RIPOR2: variants seen among roughly 807,000 people sequenced by gnomAD.
RIPOR2 encodes rho family-interacting cell polarization regulator 2.
In RIPOR2, 39 loss-of-function variants were observed where a neutral mutation model predicts 114.5. The ratio of observed to expected loss-of-function variants is 0.34; its 90% CI spans 0.26 to 0.44. The LOEUF (loss-of-function observed/expected upper bound fraction) is 0.44, where lower values mean the gene tolerates loss of function less well. Among genes scored for constraint, RIPOR2 ranks in the 20% least tolerant of loss-of-function variants. RIPOR2 has a pLI of 1.00. For missense variants in RIPOR2, 1,007 were observed against 1,255.1 expected (o/e 0.80, Z 2.99); for synonymous variants, 445 against 484.4 (o/e 0.92, Z 1.07).
rs373836061 is a variant in RIPOR2 at position 24,920,967 on chromosome 6, C to T, written c.61+14871G>A. Among the ~76,000 whole-genome samples, 31 of 152,314 alleles carry T rather than the reference C, an allele frequency of 2.0e-4. No individual in the cohort carries two copies. In the East Asian group the frequency reaches 4.8e-3, roughly 24 times the overall value. ...AATATGTCAGTAGTCTCCTAACCTA[C>T]CTTTTCCCCTATTCCCCCATCTTTC... is the stretch of plus-strand genomic sequence containing the variant. On this transcript the variant is annotated intron_variant, in intron 1 of 21. Coordinates refer to ENST00000643898, the MANE Select transcript of RIPOR2 (RefSeq NM_001286445.3).
At position 24,825,169 on chromosome 6, in the gene RIPOR2, T is replaced by C. The variant is rs752120028; in HGVS notation, c.2868+57A>G. On this transcript the variant is annotated intron_variant, in intron 19 of 21. Transcript: ENST00000643898. ...GGAATAAATGCTAAAATATTAGTAG[T>C]AAATGATAGGAAATTAAACCAGCTT... The C allele has an allele frequency of 1.2e-4, 146 of 1,247,014 alleles. 2 individuals carry two copies. The highest frequency in any genetic ancestry group is 1.6e-4 in the Non-Finnish European group (139 of 885,702). 77.2% of individuals were successfully genotyped at this position (1,247,014 alleles called of 1,614,324 possible).
At chr6:25,034,827 G>A (rs1361368796) in intron 1 of RIPOR2, among the ~76,000 whole-genome samples, 1 of 152,154 alleles carries the variant, frequency 6.6e-6, no homozygotes, top group South Asian at 2.1e-4. Flanking sequence ...CATACAAAGA[G>A]AGCACTTTCT....
intron 1 of RIPOR2, among the ~76,000 whole-genome samples, chr6:24,926,374 T>C (rs1283676013): frequency 6.6e-6 from 1 of 152,216 alleles, no homozygotes; most frequent in African/African-American, 2.4e-5. Flanking sequence ...ACAATAAAAC[T>C]GCCATAGTAC....
chr6:24,984,446 A>G (rs1436080483), intron 1 of RIPOR2, among the ~76,000 whole-genome samples: 2 of 152,232 alleles, frequency 1.3e-5, no homozygotes, highest in African/African-American at 4.8e-5. Context: ...TACCGGATAC[A>G]TTAGACAAAT....
At chr6:24,845,023 C>T (rs557925162) in intron 12 of RIPOR2, among the ~76,000 whole-genome samples, 251 of 151,908 alleles carry the variant, frequency 1.7e-3, no homozygotes, top group Non-Finnish European at 2.5e-3. Flanking sequence ...CACTAGATCC[C>T]GACACATGCA....
intron 1 of RIPOR2, among the ~76,000 whole-genome samples, chr6:25,029,752 G>A (rs1776828761): frequency 6.6e-6 from 1 of 152,202 alleles, no homozygotes; most frequent in East Asian, 1.9e-4. Context: ...TGTAACTGCT[G>A]TGGGGAAATA....
intron 1 of RIPOR2, among the ~76,000 whole-genome samples, chr6:25,036,035 T>G (rs552898611): frequency 6.6e-6 from 1 of 152,236 alleles, no homozygotes; most frequent in East Asian, 1.9e-4. Context: ...GAGCCCTCCT[T>G]CGAAGTCCCA....
At chr6:24,938,084 C>T (rs1235868059), upstream of RIPOR2, among the ~76,000 whole-genome samples, 2 of 152,132 alleles carry the variant, frequency 1.3e-5, no homozygotes, top group African/African-American at 4.8e-5. Flanking sequence ...ACCCCCAGTA[C>T]CTCAGAATGT....
At chr6:24,877,445 A>G (rs1765910784) in intron 1 of RIPOR2, 1 of 659,938 alleles carries the variant, frequency 1.5e-6, no homozygotes, top group South Asian at 6.8e-5. Flanking sequence ...CTAGCTGGGG[A>G]GGAGCAGCTT....
intron 1 of RIPOR2, among the ~76,000 whole-genome samples, chr6:24,970,072 G>C (rs1773709807): frequency 6.6e-6 from 1 of 152,054 alleles, no homozygotes; most frequent in South Asian, 2.1e-4. Context: ...GGACTCTGAA[G>C]TTCCTGGATG....
Position 25,030,637 on chromosome 6 carries a change from T to C in RIPOR2, c.76+11214A>G, listed in dbSNP as rs145545905. Among the ~76,000 whole-genome samples, 362 of 152,340 alleles carry C rather than the reference T, an allele frequency of 2.4e-3. 1 individual carries two copies. The highest frequency in any genetic ancestry group is 3.4e-3 in the Middle Eastern group (1 of 294). On this transcript the variant is annotated intron_variant, in intron 1 of 13. Coordinates refer to the RIPOR2 transcript ENST00000510784. ...AAAGGCTACATACTGTATGATTCTGTTTATGAGATATTCTGGCTTTTTTTT... is the reference window on the plus strand; with the variant it reads ...AAAGGCTACATACTGTATGATTCTGCTTATGAGATATTCTGGCTTTTTTTT...
At chr6:24,889,269 A>C (rs1767107372) in intron 1 of RIPOR2, among the ~76,000 whole-genome samples, 1 of 152,160 alleles carries the variant, frequency 6.6e-6, no homozygotes, top group African/African-American at 2.4e-5. Flanking sequence ...GGGAAGGTTA[A>C]AGAATTTATG....
intron 1 of RIPOR2, among the ~76,000 whole-genome samples, chr6:25,012,637 T>G (rs1775819368): frequency 1.3e-5 from 2 of 152,222 alleles, no homozygotes. Context: ...ATGTTACTTA[T>G]GATCAGATGA....
At chr6:24,847,880 G>T in intron 12 of RIPOR2, 145 bp downstream of exon 12, 2 of 1,193,238 alleles carry the variant, frequency 1.7e-6, no homozygotes, top group Non-Finnish European at 2.4e-6. Flanking sequence ...GGTAAGGTGG[G>T]CAAGGAGAGA....
intron 13 of RIPOR2, among the ~76,000 whole-genome samples, chr6:24,841,359 G>A (rs1761697826): frequency 6.6e-6 from 1 of 152,072 alleles, no homozygotes; most frequent in Non-Finnish European, 1.5e-5. Context: ...TGAGCTGATG[G>A]TTTTGAACTG....
intron 8 of RIPOR2, among the ~76,000 whole-genome samples, chr6:24,855,910 C>T (rs186812485): frequency 2.0e-5 from 3 of 152,036 alleles, no homozygotes; most frequent in Non-Finnish European, 2.9e-5. Flanking sequence ...GGCGTGCGCC[C>T]GTGGTCCCAG....
chr6:24,843,848 G>T (rs1427258826), intron 12 of RIPOR2, among the ~76,000 whole-genome samples: 1 of 151,844 alleles, frequency 6.6e-6, no homozygotes, highest in Non-Finnish European at 1.5e-5. Context: ...AAAAGAAAAG[G>T]TTGCATGGGG....
chr6:24,846,300 C>CTTTTTTTTTTT (rs1562253042), intron 12 of RIPOR2, among the ~76,000 whole-genome samples: 1 of 111,320 alleles, frequency 9.0e-6, no homozygotes. Context: ...TTTTCACCTG[C>CTTTTTTTTTTT]CTTTTTTTTT....
At chr6:24,839,570 C>T in intron 13 of RIPOR2, 1 of 1,492,266 alleles carries the variant, frequency 6.7e-7, no homozygotes, top group Admixed American at 2.0e-5. Context: ...GATGGGCACA[C>T]TGGGATCCAT....
Sources: gnomAD v4.1 joint callset for allele counts (sites outside exome capture counted in the v4.1 genomes callset) on GRCh38, gnomAD v4.1.1 for gene constraint, MANE v1.5 for transcripts, NCBI Gene and HGNC (gene_info 2026-07-23, HGNC 2026-07-21) for gene names.